The following GLT1D1 variants were observed in gnomAD, a reference collection of about 807,000 sequenced individuals.
GLT1D1 encodes glycosyltransferase 1 domain-containing protein 1.
Under a neutral mutation model 28.7 loss-of-function variants are expected in GLT1D1, and 21 were observed. The ratio of observed to expected loss-of-function variants is 0.73; its 90% CI spans 0.52 to 1.05. GLT1D1 has a LOEUF of 1.05. Among genes scored for constraint, GLT1D1 ranks in the 50% least tolerant of loss-of-function variants. The pLI, the probability that GLT1D1 is intolerant of heterozygous loss-of-function variation, is 0.00. For synonymous variants in GLT1D1, 147 were observed against 124.8 expected (o/e 1.18, Z -1.19); for missense variants, 343 against 330.6 (o/e 1.04, Z -0.29).
chr12:128,930,478 A>C (rs571085815), intron 4 of GLT1D1: 1 of 152,386 alleles, frequency 6.6e-6, no homozygotes, highest in African/African-American at 2.4e-5. Context: ...GCAGTGGTGC[A>C]GATGGCATGC....
At chr12:128,974,028 G>A (rs2135548819) in intron 7 of GLT1D1, among the ~76,000 whole-genome samples, 1 of 151,818 alleles carries the variant, frequency 6.6e-6, no homozygotes. Context: ...GGGTCTAGAT[G>A]CCTTTTCTGC....
chr12:128,861,000 T>C (rs1410517370), intron 1 of GLT1D1, among the ~76,000 whole-genome samples: 1 of 152,006 alleles, frequency 6.6e-6, no homozygotes, highest in Non-Finnish European at 1.5e-5. Flanking sequence ...ATGTCACCTG[T>C]GGAGGGGGAT....
chr12:128,944,992 T>C (rs1283768755), intron 4 of GLT1D1: 4 of 574,892 alleles, frequency 7.0e-6, no homozygotes, highest in Non-Finnish European at 1.3e-5. Context: ...TTCCCCTCCC[T>C]GTGTCCATGT....
intron 4 of GLT1D1, among the ~76,000 whole-genome samples, chr12:128,922,682 G>A (rs1208819257): frequency 1.3e-5 from 2 of 152,110 alleles, no homozygotes; most frequent in African/African-American, 2.4e-5. Flanking sequence ...CAGCGTTTTG[G>A]GAGGATGAAG....
At chr12:128,955,048 T>G (rs1314452575) in intron 6 of GLT1D1, among the ~76,000 whole-genome samples, 1 of 152,166 alleles carries the variant, frequency 6.6e-6, no homozygotes, top group African/African-American at 2.4e-5. Flanking sequence ...TCTGTTTACC[T>G]CAGGGGAAAC....
intron 7 of GLT1D1, among the ~76,000 whole-genome samples, chr12:128,971,013 TAGTG>T (rs1258224022): frequency 8.5e-5 from 13 of 152,334 alleles, no homozygotes; most frequent in East Asian, 7.7e-4. Flanking sequence ...TTTCATCTGA[TAGTG>T]AGCGATGCAG....
chr12:128,886,797 A>T (rs746549995), intron 2 of GLT1D1, among the ~76,000 whole-genome samples: 1 of 151,982 alleles, frequency 6.6e-6, no homozygotes, highest in Admixed American at 6.6e-5. Flanking sequence ...GGGAGCAATT[A>T]TTCTCCCTAC....
At chr12:128,933,535 T>G (rs1874182457) in intron 4 of GLT1D1, among the ~76,000 whole-genome samples, 1 of 152,192 alleles carries the variant, frequency 6.6e-6, no homozygotes, top group Non-Finnish European at 1.5e-5. Context: ...ATTTGCTACT[T>G]AGGGTGTAGT....
At chr12:128,951,956 G>A (rs553534942) in intron 6 of GLT1D1, among the ~76,000 whole-genome samples, 14 of 152,290 alleles carry the variant, frequency 9.2e-5, no homozygotes, top group African/African-American at 3.4e-4. Context: ...AGGCAGGGCC[G>A]TGCCCGCCAT....
At chr12:128,871,718 C>T (rs1408035425) in intron 1 of GLT1D1, among the ~76,000 whole-genome samples, 1 of 152,124 alleles carries the variant, frequency 6.6e-6, no homozygotes, top group Non-Finnish European at 1.5e-5. Context: ...CTACTTCCTC[C>T]TCCTCTGATC....
chr12:128,902,963 G>C (rs2135861748), intron 4 of GLT1D1, among the ~76,000 whole-genome samples: 2 of 149,994 alleles, frequency 1.3e-5, no homozygotes, highest in South Asian at 4.2e-4. Flanking sequence ...AGAATTGCTT[G>C]AACCCAGGAG....
At chr12:128,937,268 A>G (rs1259675284) in intron 4 of GLT1D1, among the ~76,000 whole-genome samples, 2 of 152,180 alleles carry the variant, frequency 1.3e-5, no homozygotes, top group Non-Finnish European at 2.9e-5. Flanking sequence ...GTTTAGGATA[A>G]TTCGAGCAAA....
intron 1 of GLT1D1, among the ~76,000 whole-genome samples, chr12:128,874,363 G>T (rs1204059025): frequency 1.3e-5 from 2 of 150,890 alleles, no homozygotes; most frequent in Non-Finnish European, 2.9e-5. Context: ...TGTATTTTTA[G>T]TAGAGACAGG....
At chr12:128,932,491 T>A (rs1874029896) in intron 4 of GLT1D1, among the ~76,000 whole-genome samples, 1 of 152,232 alleles carries the variant, frequency 6.6e-6, no homozygotes, top group Non-Finnish European at 1.5e-5. Context: ...GAGAGTTTTT[T>A]AAATTCGTCG....
chr12:128,906,997 C>T lies in GLT1D1; in HGVS notation c.375+7710C>T, dbSNP rs576762796. The stretch of plus-strand genomic sequence containing the variant: ...GTGCAGATGTTAGCGCTGGCCTAAT[C>T]GGAATGAGCTGCGTGTCTCCTTATC... On this transcript the variant is annotated intron_variant, in intron 4 of 7. Transcript: ENST00000281703. 1.9e-4 allele frequency: 130 copies of T among 701,330 alleles called. 1 individual carries two copies. Among genetic ancestry groups the T allele is most frequent in the South Asian group, 1.6e-3 (107 of 67,334 alleles). The allele number at this position is 701,330 out of a possible 1,614,324, so 43.4% of individuals were successfully genotyped here.
At chr12:128,960,870 G>A (rs1273732302) in intron 7 of GLT1D1, among the ~76,000 whole-genome samples, 1 of 152,162 alleles carries the variant, frequency 6.6e-6, no homozygotes, top group Non-Finnish European at 1.5e-5. Context: ...GTACATATAT[G>A]GAGTATATAT....
At chr12:128,963,510 G>A (rs1405220176) in intron 7 of GLT1D1, among the ~76,000 whole-genome samples, 1 of 152,222 alleles carries the variant, frequency 6.6e-6, no homozygotes, top group East Asian at 1.9e-4. Flanking sequence ...GCCAGGCATA[G>A]TGGTGGGCGC....
chr12:128,899,663 C>T (rs1262688309), intron 4 of GLT1D1, among the ~76,000 whole-genome samples: 1 of 151,694 alleles, frequency 6.6e-6, no homozygotes, highest in African/African-American at 2.4e-5. Flanking sequence ...AATTCTCCTG[C>T]CTGAGCCTCC....
intron 1 of GLT1D1, among the ~76,000 whole-genome samples, chr12:128,867,417 C>CATAAA: frequency 1.4e-5 from 1 of 72,912 alleles, no homozygotes; most frequent in East Asian, 3.6e-4. Flanking sequence ...AAAAAAAAAA[C>CATAAA]AGAAAAAAAA....
Sources: allele counts gnomAD v4.1 joint callset (sites outside exome capture counted in the v4.1 genomes callset), GRCh38; gene constraint gnomAD v4.1.1; transcripts MANE v1.5; gene names NCBI Gene and HGNC (gene_info 2026-07-23, HGNC 2026-07-21).